SNTB1: variants seen among roughly 807,000 people sequenced by gnomAD.
SNTB1 encodes the protein syntrophin beta 1.
Under a neutral mutation model 48.9 loss-of-function variants are expected in SNTB1, and 36 were observed. That is an observed-to-expected ratio of 0.74 (90% CI 0.56 to 0.97). The LOEUF is 0.97. Ranked by LOEUF, SNTB1 falls within the 50% of genes least tolerant of loss-of-function variation. The pLI, the probability that SNTB1 is intolerant of heterozygous loss-of-function variation, is 0.00. For missense variants in SNTB1, 786 were observed against 703.4 expected (o/e 1.12, Z -1.33); for synonymous variants, 299 against 294.6 (o/e 1.01, Z -0.15).
chr8:120,677,428 T>TA (rs1479887800), intron 2 of SNTB1, among the ~76,000 whole-genome samples: 2 of 152,238 alleles, frequency 1.3e-5, no homozygotes, highest in Admixed American at 6.5e-5. Context: ...TGTCAGCTAC[T>TA]ACAGATGCAG....
chr8:120,791,611 A>G (rs1820037685), intron 1 of SNTB1, among the ~76,000 whole-genome samples: 1 of 151,944 alleles, frequency 6.6e-6, no homozygotes, highest in South Asian at 2.1e-4. Flanking sequence ...AATCCAAATA[A>G]TCCCATTAAA....
chr8:120,801,944 T>C (rs1820233264), intron 1 of SNTB1, among the ~76,000 whole-genome samples: 1 of 152,160 alleles, frequency 6.6e-6, no homozygotes, highest in African/African-American at 2.4e-5. Context: ...AAGTTCCCTT[T>C]CTGAGTGATG....
intron 1 of SNTB1, among the ~76,000 whole-genome samples, chr8:120,742,206 C>T (rs1304851640): frequency 2.0e-5 from 3 of 152,166 alleles, no homozygotes; most frequent in African/African-American, 2.4e-5. Context: ...GCACTGCCTG[C>T]CATCTTATGG....
rs544443764 is a variant in SNTB1 at position 120,783,756 on chromosome 8, G to A, written c.571+27517C>T. On this transcript the variant is annotated intron_variant, in intron 1 of 6. Transcript: ENST00000517992. ...CAGATCCAGTTGGTCCTTCCTATCCGTAGGTTCTGCATCCGAGGATTCAAC... is the reference window on the plus strand; with the variant it reads ...CAGATCCAGTTGGTCCTTCCTATCCATAGGTTCTGCATCCGAGGATTCAAC... 4.3e-4 allele frequency among the ~76,000 whole-genome samples: 65 copies of A among 152,180 alleles called. 1 individual carries two copies. The highest frequency in any genetic ancestry group is 8.3e-4 in the South Asian group (4 of 4,818).
intron 1 of SNTB1, among the ~76,000 whole-genome samples, chr8:120,738,780 T>G (rs2129998595): frequency 6.6e-6 from 1 of 152,294 alleles, no homozygotes; most frequent in East Asian, 1.9e-4. Flanking sequence ...TCAGATTGCA[T>G]GTATCACCAT....
chr8:120,793,665 T>C (rs1380116972), intron 1 of SNTB1, among the ~76,000 whole-genome samples: 2 of 152,024 alleles, frequency 1.3e-5, no homozygotes, highest in African/African-American at 4.8e-5. Flanking sequence ...TAAGGAGTTG[T>C]GTAACTGCAG....
chr8:120,624,370 G>C (rs1816841272), intron 3 of SNTB1, among the ~76,000 whole-genome samples: 1 of 152,196 alleles, frequency 6.6e-6, no homozygotes, highest in Non-Finnish European at 1.5e-5. Flanking sequence ...GCAAGGGCAA[G>C]AGAGCATGCA....
intron 1 of SNTB1, among the ~76,000 whole-genome samples, chr8:120,788,431 T>C (rs1363308282): frequency 6.6e-6 from 1 of 152,098 alleles, no homozygotes; most frequent in African/African-American, 2.4e-5. Flanking sequence ...CCAATTAAGA[T>C]ATACAGATTG....
intron 1 of SNTB1, among the ~76,000 whole-genome samples, chr8:120,796,969 G>T (rs1196265837): frequency 6.6e-6 from 1 of 151,904 alleles, no homozygotes; most frequent in African/African-American, 2.4e-5. Flanking sequence ...ATATAAAGAG[G>T]TATACATTTT....
intron 3 of SNTB1, among the ~76,000 whole-genome samples, chr8:120,587,922 A>G (rs1280529800): frequency 6.6e-6 from 1 of 152,208 alleles, no homozygotes; most frequent in African/African-American, 2.4e-5. Flanking sequence ...TAAACAAGTT[A>G]TCTTTGACTT....
At chr8:120,636,583 T>C (rs1420028421) in intron 2 of SNTB1, among the ~76,000 whole-genome samples, 1 of 147,942 alleles carries the variant, frequency 6.8e-6, no homozygotes, top group Non-Finnish European at 1.5e-5. Context: ...CATCATTTTT[T>C]ATGGCTGCAT....
chr8:120,565,836 G>A (rs921737414), intron 4 of SNTB1, among the ~76,000 whole-genome samples: 6 of 152,158 alleles, frequency 3.9e-5, no homozygotes, highest in African/African-American at 1.4e-4. Flanking sequence ...CAATGCAAAC[G>A]TATTAAGAGG....
chr8:120,809,563 G>A (rs962113586), intron 1 of SNTB1, among the ~76,000 whole-genome samples: 3 of 151,976 alleles, frequency 2.0e-5, no homozygotes, highest in African/African-American at 7.3e-5. Flanking sequence ...GAAAAGAAGG[G>A]ACATTATAAA....
At chr8:120,777,319 A>G (rs1819751408) in intron 1 of SNTB1, among the ~76,000 whole-genome samples, 1 of 152,182 alleles carries the variant, frequency 6.6e-6, no homozygotes, top group Non-Finnish European at 1.5e-5. Context: ...TCCCCACCCA[A>G]CTGAGCAGAT....
At chr8:120,710,858 A>C (rs939105653) in intron 1 of SNTB1, among the ~76,000 whole-genome samples, 1 of 152,214 alleles carries the variant, frequency 6.6e-6, no homozygotes, top group African/African-American at 2.4e-5. Flanking sequence ...CTGTTACAGC[A>C]GTACAAATAG....
At chr8:120,547,392 T>C (rs759473193) in intron 5 of SNTB1, among the ~76,000 whole-genome samples, 4 of 152,036 alleles carry the variant, frequency 2.6e-5, no homozygotes, top group Non-Finnish European at 5.9e-5. Context: ...GGTCAGGAGT[T>C]CGAGACCAGC....
At chr8:120,749,852 G>A (rs1819182405) in intron 1 of SNTB1, among the ~76,000 whole-genome samples, 1 of 152,084 alleles carries the variant, frequency 6.6e-6, no homozygotes, top group African/African-American at 2.4e-5. Context: ...AACTCCTCAT[G>A]AGTCTAGATT....
At chr8:120,646,793 T>G (rs199832059) in intron 2 of SNTB1, among the ~76,000 whole-genome samples, 2 of 152,162 alleles carry the variant, frequency 1.3e-5, no homozygotes, top group Non-Finnish European at 2.9e-5. Context: ...TCCATCTGGT[T>G]CTGGACTCTT....
intron 1 of SNTB1, among the ~76,000 whole-genome samples, chr8:120,784,147 T>A (rs1819877322): frequency 6.6e-6 from 1 of 151,970 alleles, no homozygotes; most frequent in South Asian, 2.1e-4. Context: ...GCACCCACGA[T>A]CACACCCAGC....
Sources: allele counts gnomAD v4.1 joint callset (sites outside exome capture counted in the v4.1 genomes callset), GRCh38; gene constraint gnomAD v4.1.1; transcripts MANE v1.5; gene names NCBI Gene and HGNC (gene_info 2026-07-23, HGNC 2026-07-21).